LAX1: variants seen among roughly 807,000 people sequenced by gnomAD.
LAX1 encodes the protein lymphocyte transmembrane adaptor 1.
A neutral mutation model predicts 20.7 loss-of-function variants in LAX1; 17 were observed. That is an observed-to-expected ratio of 0.82 (90% CI 0.56 to 1.23). The LOEUF (loss-of-function observed/expected upper bound fraction) is 1.23, where lower values mean the gene tolerates loss of function less well. Among genes scored for constraint, LAX1 ranks in the 50% most tolerant of loss-of-function variants. The pLI is 0.00. For missense variants in LAX1, 470 were observed against 487.0 expected, an observed-to-expected ratio of 0.97 and a Z score of 0.33; for synonymous variants, 165 against 181.0, an observed-to-expected ratio of 0.91 and a Z score of 0.71.
intron 4 of LAX1, among the ~76,000 whole-genome samples, chr1:203,773,463 A>C (rs773877379): frequency 3.3e-5 from 5 of 152,074 alleles, no homozygotes; most frequent in Non-Finnish European, 7.4e-5. Context: ...TCAAAAACAA[A>C]AATAAAAACA....
rs761433330 is a variant in LAX1 at position 203,773,965 on chromosome 1, C to A, written c.481C>A (p.Pro161Thr). 2.5e-6 allele frequency: 4 copies of A among 1,613,838 alleles called. No individual in the cohort carries two copies. The South Asian group carries it at 4.4e-5, about 18-fold the overall frequency. ...AVGIYDNAMV[P>T]QMCGNLTPSA... ...GGGTATCTATGACAACGCCATGGTC[C>A]CCCAGATGTGTGGGAACCTCACTCC... Residue 161 changes from proline (P) to threonine (T), a missense_variant, in exon 5 of 5, where the codon CCC becomes ACC. Transcript: ENST00000442561.
chr1:203,770,174 T>C (rs1667379540), intron 1 of LAX1, among the ~76,000 whole-genome samples: 1 of 151,674 alleles, frequency 6.6e-6, no homozygotes, highest in African/African-American at 2.4e-5. Flanking sequence ...TTCCAGCACT[T>C]TGGGAGGCCA....
rs144778499 is a variant in LAX1, at chr1:203,774,030, C to T, written c.546C>T (p.Cys182=). The T allele has an allele frequency of 8.2e-5, 133 of 1,614,066 alleles. No homozygotes were observed. In the African/African-American group the frequency reaches 1.3e-3, roughly 16 times the overall value. The part of the protein sequence containing the change: ...HCINVRASRD[C]ASISSEDSHD... ...TCAATGTCAGAGCTTCCAGAGACTG[C>T]GCAAGCATTTCTTCAGAGGATTCGC... The change falls in exon 5 of 5, where the codon TGC becomes TGT. Residue 182 remains cysteine (C), a synonymous_variant. Transcript: ENST00000442561.
intron 1 of LAX1, chr1:203,769,639 C>T (rs1484129386): frequency 1.3e-5 from 2 of 152,022 alleles, no homozygotes; most frequent in African/African-American, 4.8e-5. Context: ...CATCTGGATG[C>T]ATTTCAACAC....
At chr1:203,773,389 G>A (rs563526627) in intron 4 of LAX1, among the ~76,000 whole-genome samples, 1 of 152,250 alleles carries the variant, frequency 6.6e-6, no homozygotes, top group East Asian at 1.9e-4. Context: ...GGGAGGCAGA[G>A]ATTGCAGTGA....
rs1667481663 is a variant in LAX1, at chr1:203,774,655, G to A, written c.1171G>A (p.Gly391Ser). The A allele has an allele frequency of 6.2e-7, 1 of 1,614,074 alleles. No homozygotes were observed. Among genetic ancestry groups the A allele is most frequent in the East Asian group, 2.2e-5 (1 of 44,884 alleles). Residue 391 changes from glycine (G) to serine (S), a missense_variant, in exon 5 of 5, where the codon GGC (glycine) becomes AGC (serine). By Grantham distance (56) the Gly-to-Ser change is moderately conservative. Transcript: ENST00000442561. ...AGGCAGGGACTCTGAGCAGGGGCCTGGCACTCAGCTCCTTCCTGATGAATG... is the reference window on the plus strand; with the variant it reads ...AGGCAGGGACTCTGAGCAGGGGCCTAGCACTCAGCTCCTTCCTGATGAATG... Reference protein sequence around the residue: ...LGGRDSEQGPGTQLLPDE With the variant: ...LGGRDSEQGPSTQLLPDE
At position 203,770,454 on chromosome 1, in the gene LAX1, AAAGGAAGGAAGGAAGG is replaced by A. The variant is rs767611921; in HGVS notation, c.90-330_90-315del. Among the ~76,000 whole-genome samples, 121 of 21,934 alleles carry A rather than the reference AAAGGAAGGAAGGAAGG, an allele frequency of 5.5e-3. 12 individuals are homozygous for A. The highest frequency in any genetic ancestry group is 0.012 in the African/African-American group (114 of 9,194). 14.4% of individuals were successfully genotyped at this position (21,934 alleles called of 152,430 possible). A position where few individuals can be genotyped will look rare whatever the true frequency, so the allele number is the denominator to read the frequency against. On this transcript the variant is annotated intron_variant, in intron 1 of 4. Coordinates refer to ENST00000442561, the MANE Select transcript of LAX1 (RefSeq NM_017773.4). ...AAGAAAGAGAGAGAGAGAGAGAGAG[AAAGGAAGGAAGGAAGG>A]AAGGAAGGAAGGAAGGAAGGAAGGA...
chr1:203,772,725 A>AT lies in LAX1; in HGVS notation c.390+590dup, dbSNP rs34901413. Among the ~76,000 whole-genome samples the AT allele has an allele frequency of 8.3e-3, 1,146 of 137,600 alleles. 12 individuals carry two copies. The highest frequency in any genetic ancestry group is 0.02 in the African/African-American group (722 of 35,572). 90.3% of individuals were successfully genotyped at this position (137,600 alleles called of 152,430 possible). On this transcript the variant is annotated intron_variant, in intron 4 of 4. Transcript: ENST00000442561. ...ACAGGCATGAGCCACCGTGCCCAGCATTTTTTTTTTTTCTTTTTTTGCTCA... is the reference window on the plus strand; with the variant it reads ...ACAGGCATGAGCCACCGTGCCCAGCATTTTTTTTTTTTTCTTTTTTTGCTCA...
chr1:203,774,844 A>C lies in LAX1; in HGVS notation c.*163A>C. On this transcript the variant is annotated 3_prime_UTR_variant, in exon 5 of 5. Transcript: ENST00000442561. ...AGCAGTGAACTAAGAGGCCACACAA[A>C]AGCAGAGGTTTGGGAATTCCAGAAG... The C allele has an allele frequency of 1.6e-6, 1 of 619,984 alleles. No individual in the cohort carries two copies. Among genetic ancestry groups the C allele is most frequent in the Non-Finnish European group, 2.8e-6 (1 of 358,680 alleles). The allele number at this position is 619,984 out of a possible 1,614,324, so 38.4% of individuals were successfully genotyped here. A position where few individuals can be genotyped will look rare whatever the true frequency, so the allele number is the denominator to read the frequency against.
At position 203,774,007 on chromosome 1, in the gene LAX1, A is replaced by G; in HGVS notation, c.523A>G (p.Asn175Asp). ...CCTCACTCCCTCGGCACACTGCATC[A>G]ATGTCAGAGCTTCCAGAGACTGCGC... ...GNLTPSAHCI[N>D]VRASRDCASI... Residue 175 changes from asparagine to aspartate, a missense_variant, in exon 5 of 5, where the codon AAT becomes GAT. Transcript: ENST00000442561. 6.2e-7 allele frequency: 1 copy of G among 1,613,960 alleles called. No homozygotes were observed. The highest frequency in any genetic ancestry group is 8.5e-7 in the Non-Finnish European group (1 of 1,179,982).
At chr1:203,770,565 G>GA (rs1553254370) in intron 1 of LAX1, among the ~76,000 whole-genome samples, 4 of 151,090 alleles carry the variant, frequency 2.6e-5, no homozygotes, top group Non-Finnish European at 5.9e-5. Context: ...AAGAAAGAAA[G>GA]AAAGAGATTA....
Position 203,774,031 on chromosome 1 carries a change from G to T in LAX1, c.547G>T (p.Ala183Ser), listed in dbSNP as rs776113092. The change falls in exon 5 of 5, where the codon GCA (alanine) becomes TCA (serine). Residue 183 changes from alanine to serine, a missense_variant. Coordinates refer to ENST00000442561, the MANE Select transcript of LAX1 (RefSeq NM_017773.4). Reference protein sequence around the residue: ...CINVRASRDCASISSEDSHDY... With the variant: ...CINVRASRDCSSISSEDSHDY... ...CAATGTCAGAGCTTCCAGAGACTGCGCAAGCATTTCTTCAGAGGATTCGCA... is the reference window on the plus strand; with the variant it reads ...CAATGTCAGAGCTTCCAGAGACTGCTCAAGCATTTCTTCAGAGGATTCGCA... 2.0e-5 allele frequency: 32 copies of T among 1,613,974 alleles called. No homozygotes were observed. The highest frequency in any genetic ancestry group is 2.7e-5 in the Non-Finnish European group (32 of 1,180,006).
At chr1:203,768,574 G>A (rs758097883) in intron 1 of LAX1, among the ~76,000 whole-genome samples, 48 of 152,216 alleles carry the variant, frequency 3.2e-4, no homozygotes, top group Admixed American at 7.2e-4. Context: ...CAGAGGGAAA[G>A]TGGTAGGAAA....
At chr1:203,771,503 A>T in intron 3 of LAX1, 26 bp downstream of exon 3, 1 of 1,351,318 alleles carries the variant, frequency 7.4e-7, no homozygotes, top group Non-Finnish European at 1.1e-6. Context: ...TAATCTATGG[A>T]GTCCAGATAT....
At chr1:203,771,124 G>T (rs1170253321) in intron 2 of LAX1, among the ~76,000 whole-genome samples, 187 bp downstream of exon 2, 1 of 152,230 alleles carries the variant, frequency 6.6e-6, no homozygotes, top group Non-Finnish European at 1.5e-5. Flanking sequence ...TGCTGATGGA[G>T]TTCCCCTGGG....
In LAX1 at chr1:203,769,454, A is replaced by AAAGAAAGAAAGAAAG. The variant is rs759242546; in HGVS notation, c.90-1372_90-1371insGAAAGAAAGAAAGAA. On this transcript the variant is annotated intron_variant, in intron 1 of 4. Transcript: ENST00000442561. The stretch of plus-strand genomic sequence containing the variant: ...GAAAGAAAGAAAGAAGGAAAGAAAG[A>AAAGAAAGAAAGAAAG]AAAGAAAAGAAAGAAAGTTGTATAA... 3.6e-3 allele frequency among the ~76,000 whole-genome samples: 381 copies of AAAGAAAGAAAGAAAG among 106,452 alleles called. 5 individuals are homozygous for AAAGAAAGAAAGAAAG. The highest frequency in any genetic ancestry group is 5.0e-3 in the Middle Eastern group (1 of 200). 69.8% of individuals were successfully genotyped at this position (106,452 alleles called of 152,430 possible). A position where few individuals can be genotyped will look rare whatever the true frequency, so the allele number is the denominator to read the frequency against.
chr1:203,770,907 A>G lies in LAX1; in HGVS notation c.169A>G (p.Ile57Val). The G allele has an allele frequency of 1.9e-6, 3 of 1,613,986 alleles. No homozygotes were observed. Among genetic ancestry groups the G allele is most frequent in the Non-Finnish European group, 2.5e-6 (3 of 1,179,944 alleles). Residue 57 changes from isoleucine to valine, a missense_variant, in exon 2 of 5, where the codon ATC (isoleucine) becomes GTC (valine). Ile to Val is a conservative substitution (Grantham distance 29). Coordinates refer to ENST00000442561, the MANE Select transcript of LAX1 (RefSeq NM_017773.4). ...CCTCCTGGTCGTTGCGGTTTTCTGC[A>G]TCTTGTGGAATTGGAATAAACGGAA... ...AILLVVAVFC[I>V]LWNWNKRKKR...
chr1:203,770,567 AAGAG>A (rs781318639), intron 1 of LAX1, among the ~76,000 whole-genome samples: 15 of 151,172 alleles, frequency 9.9e-5, no homozygotes, highest in African/African-American at 2.9e-4. Context: ...GAAAGAAAGA[AAGAG>A]ATTAATAAGT....
At chr1:203,765,807 G>C (rs1477403898) in intron 1 of LAX1, among the ~76,000 whole-genome samples, 153 bp downstream of exon 1, 1 of 152,174 alleles carries the variant, frequency 6.6e-6, no homozygotes, top group Non-Finnish European at 1.5e-5. Flanking sequence ...GGAGGCATTT[G>C]CTCAGGGGTG....
Sources: allele counts gnomAD v4.1 joint callset (sites outside exome capture counted in the v4.1 genomes callset), GRCh38; gene constraint gnomAD v4.1.1; transcripts MANE v1.5; gene names NCBI Gene and HGNC (gene_info 2026-07-23, HGNC 2026-07-21).